Variants in ACP4 observed in about 807,000 individuals in gnomAD.
ACP4 encodes testicular acid phosphatase.
ACP4 carries 49 observed loss-of-function variants against 47.3 expected under a neutral mutation model. The ratio of observed to expected loss-of-function variants is 1.04; its 90% CI spans 0.82 to 1.32. ACP4 has a LOEUF of 1.32. Among genes scored for constraint, ACP4 ranks in the 40% most tolerant of loss-of-function variants. The pLI, the probability that ACP4 is intolerant of heterozygous loss-of-function variation, is 0.00. For missense variants in ACP4, 594 were observed against 579.3 expected, an observed-to-expected ratio of 1.03 and a Z score of -0.26; for synonymous variants, 299 against 265.3, an observed-to-expected ratio of 1.13 and a Z score of -1.23.
At position 50,790,788 on chromosome 19, in the gene ACP4, G is replaced by C. The variant is rs1203450440; in HGVS notation, c.231G>C (p.Gln77His). The change falls in exon 3 of 11, where the codon CAG (glutamine) becomes CAC (histidine). Residue 77 changes from glutamine to histidine, a missense_variant. Coordinates refer to ENST00000270593, the MANE Select transcript of ACP4 (RefSeq NM_033068.3). ...LGQLTTEGVR[Q>H]QLELGRFLRS... ...TCTGTCCCCAGGAGGGGGTCCGCCA[G>C]CAGCTGGAGCTGGGCCGCTTCCTGA... 1 of 1,548,148 alleles carries C rather than the reference G, an allele frequency of 6.5e-7. No homozygotes were observed. Among genetic ancestry groups the C allele is most frequent in the African/African-American group, 1.4e-5 (1 of 72,974 alleles).
Position 50,792,146 on chromosome 19 carries a change from ACCAGGAGGC to A in ACP4, c.527_535del (p.Gln176_Ala178del). 1 of 1,609,820 alleles carries A rather than the reference ACCAGGAGGC, an allele frequency of 6.2e-7. No individual in the cohort carries two copies. Among genetic ancestry groups the A allele is most frequent in the Non-Finnish European group, 8.5e-7 (1 of 1,179,380 alleles). On this transcript the variant is annotated inframe_deletion, in exon 5 of 11. Coordinates refer to ENST00000270593, the MANE Select transcript of ACP4 (RefSeq NM_033068.3). ...CGGGAGGCCACCGAGGCCGCCGAGTACCAGGAGGCCCTGGAGGGCTGGACGGTGAGCAGG... is the reference window on the plus strand; with the variant it reads ...CGGGAGGCCACCGAGGCCGCCGAGTACCTGGAGGGCTGGACGGTGAGCAGG...
chr19:50,791,507 T>A, intron 3 of ACP4, 149 bp from the exon 4 acceptor site: 1 of 1,215,230 alleles, frequency 8.2e-7, no homozygotes, highest in East Asian at 2.4e-5. Flanking sequence ...CTCTGGACCC[T>A]TGATCCCAAC....
chr19:50,790,739 T>TGGGGGCATGGGGGGGGGGGGGG, intron 2 of ACP4, 35 bp from the exon 3 acceptor site: 1 of 826,106 alleles, frequency 1.2e-6, no homozygotes, highest in Non-Finnish European at 1.8e-6. Flanking sequence ...GTGGGAGGGG[T>TGGGGGCATGGGGGGGGGGGGGG]GGGGAGTGGT....
rs1188639703 is a variant in ACP4, at chr19:50,794,450, C to T, written c.862-7C>T. ...AGTGCCGTCTCAGCCCTCGGGTCCA[C>T]CTGCAGCATGACAGCACCCTGCTGG... On this transcript the variant is annotated splice_region_variant and splice_polypyrimidine_tract_variant and intron_variant, in intron 8 of 10. Transcript: ENST00000270593. 2 of 1,613,320 alleles carry T rather than the reference C, an allele frequency of 1.2e-6. No homozygotes were observed. Among genetic ancestry groups the T allele is most frequent in the South Asian group, 1.1e-5 (1 of 91,076 alleles).
At chr19:50,790,978 C>T in intron 3 of ACP4, 118 bp downstream of exon 3, 1 of 977,004 alleles carries the variant, frequency 1.0e-6, no homozygotes, top group Non-Finnish European at 1.5e-6. Context: ...CCTGACTTGC[C>T]CTCTACCTCT....
rs757781033 is a variant in ACP4, at chr19:50,792,250, G to T, written c.558G>T (p.Leu186=). 1 of 1,613,280 alleles carries T rather than the reference G, an allele frequency of 6.2e-7. No individual in the cohort carries two copies. Among genetic ancestry groups the T allele is most frequent in the Admixed American group, 1.7e-5 (1 of 60,028 alleles). ...QEALEGWTGF[L]SRLENFTGLS... ...CAGCCCCGCGCATCCAGGGCTTCCT[G>T]AGTCGCCTGGAGAACTTCACGGGAC... The change falls in exon 6 of 11, where the codon CTG becomes CTT. Residue 186 remains leucine, a synonymous_variant. Coordinates refer to ENST00000270593, the MANE Select transcript of ACP4 (RefSeq NM_033068.3).
At chr19:50,791,448 C>A (rs747625700) in intron 3 of ACP4, among the ~76,000 whole-genome samples, 8 of 152,192 alleles carry the variant, frequency 5.3e-5, no homozygotes, top group African/African-American at 1.9e-4. Flanking sequence ...CTAAATCCAA[C>A]ATGGCTGTCC....
In ACP4 at chr19:50,792,299, C is replaced by T. The variant is rs765760900; in HGVS notation, c.607C>T (p.Arg203Cys). The change falls in exon 6 of 11, where the codon CGC becomes TGC. Residue 203 changes from arginine (R) to cysteine (C), a missense_variant. Coordinates refer to ENST00000270593, the MANE Select transcript of ACP4 (RefSeq NM_033068.3). ...TGLSLVGEPLRRAWKVLDTLM... is the reference protein window; with the variant it reads ...TGLSLVGEPLCRAWKVLDTLM... ...ACTGTCGCTGGTTGGAGAGCCACTG[C>T]GCAGGGCATGGAAGGTTCTGGACAC... 1.4e-5 allele frequency: 23 copies of T among 1,613,356 alleles called. No homozygotes were observed. The highest frequency in any genetic ancestry group is 1.7e-5 in the Non-Finnish European group (20 of 1,180,020).
chr19:50,791,667 C>T lies in ACP4; in HGVS notation c.315C>T (p.Arg105=), dbSNP rs544680749. ...PEYRREEVYI[R]STDFDRTLES... is the part of the protein sequence containing the mutation. Reference sequence around the variant, plus strand: ...CCACCCCGCTCCAGGTGTACATCCGCAGCACGGACTTTGACCGCACGCTGG... The same window carrying T: ...CCACCCCGCTCCAGGTGTACATCCGTAGCACGGACTTTGACCGCACGCTGG... The change falls in exon 4 of 11, where the codon CGC becomes CGT. Residue 105 remains arginine, a synonymous_variant. Coordinates refer to ENST00000270593, the MANE Select transcript of ACP4 (RefSeq NM_033068.3). 1 of 1,612,312 alleles carries T rather than the reference C, an allele frequency of 6.2e-7. No homozygotes were observed. Among genetic ancestry groups the T allele is most frequent in the African/African-American group, 1.3e-5 (1 of 75,042 alleles).
At chr19:50,794,348 G>C in intron 8 of ACP4, 109 bp from the exon 9 acceptor site, 7 of 1,460,572 alleles carry the variant, frequency 4.8e-6, no homozygotes, top group Non-Finnish European at 6.4e-6. Context: ...GAGTAGCTTT[G>C]GGGGGTTGGT....
Position 50,793,922 on chromosome 19 carries a change from C to T in ACP4, c.813C>T (p.Ser271=), listed in dbSNP as rs1164601637. 6.2e-7 allele frequency: 1 copy of T among 1,614,150 alleles called. No individual in the cohort carries two copies. ...TGAATGCTATCCTTGCAAACTTCTC[C>T]CGGGTCCAGCGCCTGGGGCTGCCCC... The part of the protein sequence containing the change: ...ILLNAILANF[S]RVQRLGLPLK... The change falls in exon 8 of 11, where the codon TCC becomes TCT. Residue 271 remains serine (S), a synonymous_variant. Coordinates refer to ENST00000270593, the MANE Select transcript of ACP4 (RefSeq NM_033068.3).
chr19:50,790,783 C>T lies in ACP4; in HGVS notation c.226C>T (p.Arg76Cys), dbSNP rs1057519277. The change falls in exon 3 of 11, where the codon CGC (arginine) becomes TGC (cysteine). Residue 76 changes from arginine to cysteine, a missense_variant. Transcript: ENST00000270593. ...GLGQLTTEGV[R>C]QQLELGRFLR... ...GCTGTTCTGTCCCCAGGAGGGGGTC[C>T]GCCAGCAGCTGGAGCTGGGCCGCTT... The T allele has an allele frequency of 1.8e-5, 28 of 1,547,786 alleles. No homozygotes were observed. Among genetic ancestry groups the T allele is most frequent in the East Asian group, 1.2e-4 (5 of 40,910 alleles).
At chr19:50,791,974 G>A (rs1379717466) in intron 4 of ACP4, 99 bp from the exon 5 acceptor site, 18 of 1,463,812 alleles carry the variant, frequency 1.2e-5, no homozygotes, top group Admixed American at 2.2e-5. Flanking sequence ...GAGAAACTGC[G>A]ACAAAGACGC....
rs1165230831 is a variant in ACP4 at position 50,794,575 on chromosome 19, A to T, written c.980A>T (p.Asp327Val). 3.1e-6 allele frequency: 5 copies of T among 1,613,986 alleles called. No homozygotes were observed. The highest frequency in any genetic ancestry group is 4.2e-6 in the Non-Finnish European group (5 of 1,179,988). ...FRKHLGNPAK[D>V]GGNVTVSLFY... ...AAGCACCTGGGGAATCCCGCCAAAG[A>T]TGGAGGGTGAGAATGGTTTGGTGCC... The change falls in exon 9 of 11, where the codon GAT (aspartate) becomes GTT (valine). Residue 327 changes from aspartate to valine, a missense_variant. By Grantham distance (152) the Asp-to-Val change is radical. Transcript: ENST00000270593.
At chr19:50,791,261 TCTC>T (rs1413913836) in intron 3 of ACP4, among the ~76,000 whole-genome samples, 1 of 152,102 alleles carries the variant, frequency 6.6e-6, no homozygotes, top group Non-Finnish European at 1.5e-5. Flanking sequence ...ACCTTTTCTG[TCTC>T]CTCCTATGTC....
intron 8 of ACP4, 88 bp downstream of exon 8, chr19:50,794,058 A>G (rs2089533562): frequency 2.7e-6 from 4 of 1,472,864 alleles, no homozygotes; most frequent in Middle Eastern, 1.9e-4. Context: ...CTGTGGTCCC[A>G]GTGGATCTCA....
At chr19:50,790,929 C>T in intron 3 of ACP4, 69 bp downstream of exon 3, 2 of 1,410,148 alleles carry the variant, frequency 1.4e-6, no homozygotes, top group Non-Finnish European at 1.9e-6. Flanking sequence ...CTACAACGCT[C>T]TCTTTGGGCC....
In ACP4 at chr19:50,795,043, C is replaced by T; in HGVS notation, c.1166C>T (p.Ala389Val). Residue 389 changes from alanine (A) to valine (V), a missense_variant and splice_region_variant, in exon 11 of 11, where the codon GCT (alanine) becomes GTT (valine). By Grantham distance (64) the Ala-to-Val change is moderately conservative (BLOSUM62 0). Coordinates refer to ENST00000270593, the MANE Select transcript of ACP4 (RefSeq NM_033068.3). ...CACCCCCCGCGTGTTCTCCCTGCAG[C>T]TCCAGTGGTGCCCCTGCTGGCCGGA... ...HGPYEAAIPPAPVVPLLAGAV... is the reference protein window; with the variant it reads ...HGPYEAAIPPVPVVPLLAGAV... 1 of 1,611,204 alleles carries T rather than the reference C, an allele frequency of 6.2e-7. No individual in the cohort carries two copies. The highest frequency in any genetic ancestry group is 8.5e-7 in the Non-Finnish European group (1 of 1,178,984).
chr19:50,793,588 T>C lies in ACP4; in HGVS notation c.646-96T>C, dbSNP rs1040015876. On this transcript the variant is annotated intron_variant, in intron 6 of 10. Coordinates refer to ENST00000270593, the MANE Select transcript of ACP4 (RefSeq NM_033068.3). ...CCCAGCCAGATCCAGATCCGGCCCA[T>C]GGGGGGACTCAGAAGAGCAGGGGGC... 21 of 1,516,848 alleles carry C rather than the reference T, an allele frequency of 1.4e-5. No individual in the cohort carries two copies. In the Admixed American group the frequency reaches 1.4e-4, roughly 10 times the overall value. The allele number at this position is 1,516,848 out of a possible 1,614,324, so 94.0% of individuals were successfully genotyped here.
Sources: gnomAD v4.1 joint callset for allele counts (sites outside exome capture counted in the v4.1 genomes callset) on GRCh38, gnomAD v4.1.1 for gene constraint, MANE v1.5 for transcripts, NCBI Gene and HGNC (gene_info 2026-07-23, HGNC 2026-07-21) for gene names.